The following LRMDA variants were observed in gnomAD, a reference collection of about 807,000 sequenced individuals.
The protein encoded by LRMDA is leucine rich melanocyte differentiation associated, also known as leucine-rich melanocyte differentiation-associated protein.
LRMDA carries 18 observed loss-of-function variants against 29.8 expected under a neutral mutation model. The observed-to-expected ratio is 0.60, with a 90% CI of 0.42 to 0.90. LRMDA has a LOEUF of 0.90. LRMDA is among the 40% of genes least tolerant of loss of function. The pLI is 0.00. For missense variants in LRMDA, 273 were observed against 273.9 expected (o/e 1.00, Z 0.02); for synonymous variants, 125 against 109.4 (o/e 1.14, Z -0.89).
chr10:76,316,933 A>G (rs778325883), intron 5 of LRMDA, among the ~76,000 whole-genome samples: 5 of 152,220 alleles, frequency 3.3e-5, no homozygotes, highest in African/African-American at 7.2e-5. Context: ...TCTTGTCTCA[A>G]TGCTTTGAGA....
chr10:75,686,196 T>TG (rs1303998536), intron 2 of LRMDA, among the ~76,000 whole-genome samples: 1 of 152,120 alleles, frequency 6.6e-6, no homozygotes, highest in Admixed American at 6.5e-5. Context: ...GGGCAGGTGA[T>TG]GTGATTGTAC....
chr10:75,571,950 G>A (rs1554901768), intron 2 of LRMDA, among the ~76,000 whole-genome samples: 3 of 151,780 alleles, frequency 2.0e-5, no homozygotes, highest in Non-Finnish European at 4.4e-5. Context: ...CATTCCCACT[G>A]TTATTATTAT....
intron 2 of LRMDA, among the ~76,000 whole-genome samples, chr10:75,631,199 GT>G (rs1186377503): frequency 6.6e-6 from 1 of 152,108 alleles, no homozygotes; most frequent in Non-Finnish European, 1.5e-5. Context: ...GGCCCAGAGA[GT>G]TTTTAACATG....
At chr10:76,239,948 G>A (rs183832508) in intron 5 of LRMDA, among the ~76,000 whole-genome samples, 69 of 151,740 alleles carry the variant, frequency 4.5e-4, no homozygotes, top group Non-Finnish European at 9.1e-4. Context: ...ACATACACAA[G>A]CATATGTCGA....
intron 4 of LRMDA, among the ~76,000 whole-genome samples, chr10:76,054,926 T>G (rs1589306090): frequency 6.8e-6 from 1 of 146,602 alleles, no homozygotes; most frequent in Non-Finnish European, 1.5e-5. Flanking sequence ...AAGCCAGGAG[T>G]AGTGGCACAC....
chr10:76,098,943 C>A (rs1198716589), intron 5 of LRMDA, among the ~76,000 whole-genome samples: 1 of 152,128 alleles, frequency 6.6e-6, no homozygotes, highest in East Asian at 1.9e-4. Context: ...TGGGTGAGGG[C>A]TACCAGATGA....
intron 6 of LRMDA, among the ~76,000 whole-genome samples, chr10:76,342,414 A>G (rs1449616166): frequency 2.0e-5 from 3 of 152,142 alleles, no homozygotes; most frequent in East Asian, 1.9e-4. Flanking sequence ...CTTGAAGTAC[A>G]TATATTAACT....
rs910180326 is a variant in LRMDA at position 75,670,819 on chromosome 10, A to G, written c.131+232325A>G. On this transcript the variant is annotated intron_variant, in intron 2 of 6. Transcript: ENST00000611255. Reference sequence around the variant, plus strand: ...GTGGGAGGTGTGGCTGGGCCTTCTGAGGGGTGGAGTGCCCGCTCCCTTACC... The same window carrying G: ...GTGGGAGGTGTGGCTGGGCCTTCTGGGGGGTGGAGTGCCCGCTCCCTTACC... Among the ~76,000 whole-genome samples the G allele has an allele frequency of 2.6e-5, 4 of 152,194 alleles. No individual in the cohort carries two copies. The East Asian group carries it at 7.7e-4, about 29-fold the overall frequency.
chr10:75,734,649 G>A (rs1842739381), intron 2 of LRMDA, among the ~76,000 whole-genome samples: 2 of 152,144 alleles, frequency 1.3e-5, no homozygotes, highest in African/African-American at 4.8e-5. Flanking sequence ...TCTTTGCTAG[G>A]CACAATGCTA....
At chr10:75,966,022 C>T (rs1356596625) in intron 2 of LRMDA, among the ~76,000 whole-genome samples, 1 of 152,192 alleles carries the variant, frequency 6.6e-6, no homozygotes, top group Admixed American at 6.5e-5. Flanking sequence ...CAATTCTAAT[C>T]TAGCATATCA....
At chr10:75,897,817 CTTTTTT>C (rs3042518) in intron 2 of LRMDA, among the ~76,000 whole-genome samples, 3 of 78,420 alleles carry the variant, frequency 3.8e-5, no homozygotes, top group Non-Finnish European at 6.7e-5. Context: ...TTCTTCCTGC[CTTTTTT>C]TTTTTTTTTT....
intron 6 of LRMDA, among the ~76,000 whole-genome samples, chr10:76,466,297 C>A (rs1290476077): frequency 1.3e-5 from 2 of 151,442 alleles, no homozygotes; most frequent in Non-Finnish European, 2.9e-5. Flanking sequence ...GAGGGGTAGA[C>A]AAACAGACAG....
At chr10:75,686,723 C>G (rs1842086352) in intron 2 of LRMDA, among the ~76,000 whole-genome samples, 1 of 152,120 alleles carries the variant, frequency 6.6e-6, no homozygotes, top group Non-Finnish European at 1.5e-5. Flanking sequence ...TACAGGCATG[C>G]CTTGTTTTAT....
At chr10:76,465,719 C>T (rs1842558135) in intron 6 of LRMDA, among the ~76,000 whole-genome samples, 1 of 152,164 alleles carries the variant, frequency 6.6e-6, no homozygotes, top group African/African-American at 2.4e-5. Context: ...AAACAACAGA[C>T]ATTTATTTTC....
intron 5 of LRMDA, among the ~76,000 whole-genome samples, chr10:76,073,969 T>G (rs1460879431): frequency 6.6e-6 from 1 of 152,242 alleles, no homozygotes; most frequent in Non-Finnish European, 1.5e-5. Flanking sequence ...GCCTTCAGAC[T>G]GTAAGCCAAA....
In LRMDA at chr10:76,372,328, C is replaced by T. The variant is rs1251112863; in HGVS notation, c.601+47843C>T. On this transcript the variant is annotated intron_variant, in intron 6 of 6. Transcript: ENST00000611255. The stretch of plus-strand genomic sequence containing the variant: ...ACTTGAAAATTCTCTTTGAAGAAAT[C>T]CTTGCCGGGCACAGTGGCTCACACC... Among the ~76,000 whole-genome samples, 5 of 152,160 alleles carry T rather than the reference C, an allele frequency of 3.3e-5. No homozygotes were observed. The East Asian group carries it at 9.7e-4, about 29-fold the overall frequency.
Position 75,624,295 on chromosome 10 carries a change from G to GT in LRMDA, c.131+185805dup, listed in dbSNP as rs565896000. Among the ~76,000 whole-genome samples the GT allele has an allele frequency of 1.1e-3, 161 of 152,250 alleles. 5 individuals carry two copies. In the South Asian group the frequency reaches 0.033, roughly 31 times the overall value. On this transcript the variant is annotated intron_variant, in intron 2 of 6. Coordinates refer to ENST00000611255, the MANE Select transcript of LRMDA (RefSeq NM_001305581.2). ...CATATTTGAGGATTTTGAGATATAG[G>GT]TTTTATGTGGGAATGTCACTTATGA...
intron 6 of LRMDA, among the ~76,000 whole-genome samples, chr10:76,334,586 C>T (rs1589141063): frequency 1.3e-5 from 2 of 152,186 alleles, no homozygotes; most frequent in Non-Finnish European, 2.9e-5. Flanking sequence ...TTAATATTTA[C>T]AGCAGTTTCT....
At chr10:76,323,719 A>G (rs1269850270) in intron 5 of LRMDA, among the ~76,000 whole-genome samples, 5 of 152,184 alleles carry the variant, frequency 3.3e-5, no homozygotes, top group African/African-American at 1.2e-4. Flanking sequence ...ACACAGTTCT[A>G]TGGTTAAAGA....
Sources: allele counts gnomAD v4.1 joint callset (sites outside exome capture counted in the v4.1 genomes callset), GRCh38; gene constraint gnomAD v4.1.1; transcripts MANE v1.5; gene names NCBI Gene and HGNC (gene_info 2026-07-23, HGNC 2026-07-21).